The following EYA2 variants were observed in gnomAD, a reference collection of about 807,000 sequenced individuals.
The protein encoded by EYA2 is protein phosphatase EYA2.
Under a neutral mutation model 69.2 loss-of-function variants are expected in EYA2, and 31 were observed. That is an observed-to-expected ratio of 0.45 (90% confidence interval 0.34 to 0.60). EYA2 has a LOEUF of 0.60. Ranked by LOEUF, EYA2 falls within the 20% of genes least tolerant of loss-of-function variation. The probability of loss-of-function intolerance (pLI) is 0.02; values close to 1 mark genes in which losing one functional copy is unlikely to be tolerated. For missense variants in EYA2, 622 were observed against 701.2 expected, an observed-to-expected ratio of 0.89 and a Z score of 1.28; for synonymous variants, 257 against 279.4, an observed-to-expected ratio of 0.92 and a Z score of 0.80.
At chr20:47,100,826 C>A (rs1403707032) in intron 9 of EYA2, among the ~76,000 whole-genome samples, 2 of 152,236 alleles carry the variant, frequency 1.3e-5, no homozygotes, top group East Asian at 3.9e-4. Context: ...ATAATTGTGA[C>A]TTAAACAAGA....
intron 5 of EYA2, among the ~76,000 whole-genome samples, chr20:47,038,194 G>T (rs181204992): frequency 6.6e-6 from 1 of 152,078 alleles, no homozygotes; most frequent in Non-Finnish European, 1.5e-5. Context: ...GGGGTGGGGC[G>T]GTCAGGGAAA....
intron 9 of EYA2, among the ~76,000 whole-genome samples, chr20:47,108,189 G>A (rs2032645229): frequency 6.6e-6 from 1 of 152,206 alleles, no homozygotes; most frequent in Non-Finnish European, 1.5e-5. Flanking sequence ...GTTGAAGGTG[G>A]GGCCTAAAGG....
At chr20:47,144,360 A>G (rs904178699) in intron 10 of EYA2, among the ~76,000 whole-genome samples, 3 of 152,140 alleles carry the variant, frequency 2.0e-5, no homozygotes, top group African/African-American at 4.8e-5. Context: ...ATCAAAAAAA[A>G]AAAAAAAGAA....
At chr20:47,014,895 A>G (rs1279001853) in intron 4 of EYA2, among the ~76,000 whole-genome samples, 1 of 152,238 alleles carries the variant, frequency 6.6e-6, no homozygotes, top group Non-Finnish European at 1.5e-5. Flanking sequence ...GAAACCACAC[A>G]TTAGAATGTC....
intron 1 of EYA2, among the ~76,000 whole-genome samples, chr20:46,969,565 T>G (rs1357944318): frequency 6.6e-6 from 1 of 152,248 alleles, no homozygotes; most frequent in African/African-American, 2.4e-5. Flanking sequence ...GTTTGTTTAC[T>G]TATGTGTCTT....
intron 5 of EYA2, among the ~76,000 whole-genome samples, chr20:47,047,924 G>A (rs4809617): frequency 1.4e-5 from 2 of 146,248 alleles, no homozygotes; most frequent in African/African-American, 2.5e-5. Context: ...CATCCATCTC[G>A]CTCCCAGCCT....
chr20:46,970,002 A>G (rs1020549350), intron 1 of EYA2, among the ~76,000 whole-genome samples: 32 of 152,232 alleles, frequency 2.1e-4, no homozygotes, highest in African/African-American at 6.5e-4. Context: ...TCCCATCTCT[A>G]AGGCTACTTT....
intron 12 of EYA2, among the ~76,000 whole-genome samples, chr20:47,179,498 T>G (rs1600775600): frequency 1.6e-5 from 2 of 128,144 alleles, no homozygotes; most frequent in Admixed American, 7.9e-5. Flanking sequence ...TGGATGGATA[T>G]TGGGTGGATG....
At chr20:46,920,881 T>C (rs74993344) in intron 1 of EYA2, among the ~76,000 whole-genome samples, 1,549 of 152,356 alleles carry the variant, frequency 0.01, 33 homozygotes, top group African/African-American at 0.036. Context: ...CCTTGGTTAG[T>C]ACGGCATCTC....
chr20:47,007,019 T>A (rs2146354718), intron 4 of EYA2, among the ~76,000 whole-genome samples: 1 of 152,340 alleles, frequency 6.6e-6, no homozygotes, highest in African/African-American at 2.4e-5. Flanking sequence ...AAGCTCAACA[T>A]CACAGGCTCA....
intron 12 of EYA2, among the ~76,000 whole-genome samples, chr20:47,175,580 G>A (rs754084892): frequency 3.3e-5 from 5 of 152,140 alleles, no homozygotes; most frequent in East Asian, 1.9e-4. Flanking sequence ...TGCTCAGAAC[G>A]GCATCTGACA....
intron 4 of EYA2, among the ~76,000 whole-genome samples, chr20:47,014,666 GTGT>G (rs1983297491): frequency 1.3e-5 from 2 of 150,594 alleles, no homozygotes; most frequent in African/African-American, 4.9e-5. Context: ...GTGTGTGTGT[GTGT>G]GGTGTGATGA....
chr20:47,057,977 A>C (rs2030714639), intron 5 of EYA2, among the ~76,000 whole-genome samples: 1 of 152,242 alleles, frequency 6.6e-6, no homozygotes, highest in Non-Finnish European at 1.5e-5. Flanking sequence ...GCAAACTGAT[A>C]AGCGATGAGG....
intron 1 of EYA2, among the ~76,000 whole-genome samples, chr20:46,900,295 T>G (rs1042118648): frequency 2.0e-5 from 3 of 152,214 alleles, no homozygotes; most frequent in Admixed American, 6.5e-5. Flanking sequence ...TATGGCAACT[T>G]ACTTTTGTCT....
chr20:47,087,436 G>T (rs191925124), intron 7 of EYA2, among the ~76,000 whole-genome samples: 25 of 152,336 alleles, frequency 1.6e-4, no homozygotes, highest in African/African-American at 6.0e-4. Flanking sequence ...TGTCACTCAC[G>T]AGTGACAAGG....
chr20:47,025,869 G>A (rs1206804), intron 5 of EYA2, among the ~76,000 whole-genome samples: 152,072 of 152,358 alleles, frequency 1, 75,895 homozygotes, highest in East Asian at 1. Context: ...AATCTGATGC[G>A]TGAAGAAATG....
chr20:47,147,381 G>A (rs2033724697), intron 10 of EYA2, among the ~76,000 whole-genome samples: 1 of 152,126 alleles, frequency 6.6e-6, no homozygotes, highest in Admixed American at 6.6e-5. Flanking sequence ...GCAAAGACCT[G>A]AAGGAGGTGG....
chr20:47,128,813 T>C (rs2033263169), intron 9 of EYA2, among the ~76,000 whole-genome samples: 2 of 152,120 alleles, frequency 1.3e-5, no homozygotes, highest in Admixed American at 1.3e-4. Context: ...TTCACACATA[T>C]TCATATATTC....
At chr20:47,116,095 T>C (rs985373518) in intron 9 of EYA2, among the ~76,000 whole-genome samples, 17 of 151,998 alleles carry the variant, frequency 1.1e-4, no homozygotes, top group African/African-American at 3.9e-4. Flanking sequence ...AGCACCACAG[T>C]GCTCATAGTA....
Sources: gnomAD v4.1 joint callset for allele counts (sites outside exome capture counted in the v4.1 genomes callset) on GRCh38, gnomAD v4.1.1 for gene constraint, MANE v1.5 for transcripts, NCBI Gene and HGNC (gene_info 2026-07-23, HGNC 2026-07-21) for gene names.